Variants in HDAC5 observed in about 807,000 individuals in gnomAD.
HDAC5 encodes the protein histone deacetylase 5, also known as antigen NY-CO-9.
In HDAC5, 25 loss-of-function variants were observed where a neutral mutation model predicts 133.3. That is an observed-to-expected ratio of 0.19 (90% CI 0.14 to 0.26). The LOEUF is 0.26. HDAC5 is among the 10% of genes least tolerant of loss of function. The pLI, the probability that HDAC5 is intolerant of heterozygous loss-of-function variation, is 1.00. For missense variants in HDAC5, 1,041 were observed against 1,460.5 expected (o/e 0.71, Z 4.68); for synonymous variants, 589 against 610.8 (o/e 0.96, Z 0.53).
intron 17 of HDAC5, 26 bp downstream of exon 17, chr17:44,083,779 C>A (rs1231870398): frequency 6.3e-7 from 1 of 1,580,332 alleles, no homozygotes; most frequent in African/African-American, 1.3e-5. Context: ...CGCCCGCCCA[C>A]CCCCACTGCT....
At chr17:44,099,457 G>C (rs370749457) in intron 3 of HDAC5, among the ~76,000 whole-genome samples, 81 of 152,172 alleles carry the variant, frequency 5.3e-4, no homozygotes, top group African/African-American at 1.9e-3. Flanking sequence ...GAGTGGGTGG[G>C]GCTGTGTGTG....
intron 2 of HDAC5, among the ~76,000 whole-genome samples, chr17:44,114,448 G>GA (rs1491230867): frequency 6.6e-6 from 1 of 151,874 alleles, no homozygotes; most frequent in Non-Finnish European, 1.5e-5. Context: ...GGGGGGGGGG[G>GA]GCTGCTGCCC....
rs1393544896 is a variant in HDAC5, at chr17:44,123,596, T to C, written c.-282A>G. Reference sequence around the variant, plus strand: ...ACCTCCTCGACGGCTCCTCCATCTTTGCGGCGGCTCCTCCGGCTCCGCTCG... The same window carrying C: ...ACCTCCTCGACGGCTCCTCCATCTTCGCGGCGGCTCCTCCGGCTCCGCTCG... On this transcript the variant is annotated 5_prime_UTR_variant, in exon 1 of 27. Coordinates refer to ENST00000682912, the MANE Select transcript of HDAC5 (RefSeq NM_005474.5). 3 of 397,794 alleles carry C rather than the reference T, an allele frequency of 7.5e-6. No individual in the cohort carries two copies. Among genetic ancestry groups the C allele is most frequent in the Non-Finnish European group, 1.3e-5 (3 of 225,832 alleles). The allele number at this position is 397,794 out of a possible 1,614,324, so 24.6% of individuals were successfully genotyped here.
At chr17:44,087,344 G>T in intron 13 of HDAC5, 68 bp downstream of exon 13, 1 of 708,296 alleles carries the variant, frequency 1.4e-6, no homozygotes, top group Non-Finnish European at 2.6e-6. Context: ...GAAAGACAAG[G>T]GCAGAGGCAG....
At chr17:44,095,582 C>G (rs1484159406) in intron 3 of HDAC5, among the ~76,000 whole-genome samples, 1 of 151,966 alleles carries the variant, frequency 6.6e-6, no homozygotes. Flanking sequence ...AAGCCAGGGA[C>G]AGGAGGGGGC....
chr17:44,093,124 G>A lies in HDAC5; in HGVS notation c.609C>T (p.Leu203=), dbSNP rs554721915. The A allele has an allele frequency of 6.2e-7, 1 of 1,613,636 alleles. No individual in the cohort carries two copies. Among genetic ancestry groups the A allele is most frequent in the South Asian group, 1.1e-5 (1 of 91,020 alleles). The part of the protein sequence containing the change: ...SKSKEPTPGG[L]NHSLPQHPKC... Reference sequence around the variant, plus strand: ...TGGGGTGCTGTGGGAGGGAATGGTTGAGGCCGCCTGGTGTGGGCTCCTTTG... The same window carrying A: ...TGGGGTGCTGTGGGAGGGAATGGTTAAGGCCGCCTGGTGTGGGCTCCTTTG... Residue 203 remains leucine, a synonymous_variant, in exon 6 of 27, where the codon CTC becomes CTT. Coordinates refer to ENST00000682912, the MANE Select transcript of HDAC5 (RefSeq NM_005474.5).
intron 2 of HDAC5, among the ~76,000 whole-genome samples, chr17:44,112,776 T>C (rs1197735561): frequency 6.6e-6 from 1 of 152,122 alleles, no homozygotes; most frequent in Non-Finnish European, 1.5e-5. Flanking sequence ...ACTAGCAAGA[T>C]GTATATGTTG....
intron 1 of HDAC5, among the ~76,000 whole-genome samples, chr17:44,119,086 G>A (rs527389666): frequency 6.6e-6 from 1 of 152,336 alleles, no homozygotes; most frequent in East Asian, 1.9e-4. Context: ...ACTCAGATTG[G>A]GGGGCAGAGT....
In HDAC5 at chr17:44,110,631, T is replaced by G. The variant is rs558282532; in HGVS notation, c.94+98A>C. The G allele has an allele frequency of 1.1e-5, 10 of 946,898 alleles. No individual in the cohort carries two copies. In the African/African-American group the frequency reaches 1.3e-4, roughly 12 times the overall value. 58.7% of individuals were successfully genotyped at this position (946,898 alleles called of 1,614,324 possible). ...CAACAAAACTCTCAAGACAGATCTATGCAGGACCCTATCTGTGCAAGGCTC... is the reference window on the plus strand; with the variant it reads ...CAACAAAACTCTCAAGACAGATCTAGGCAGGACCCTATCTGTGCAAGGCTC... On this transcript the variant is annotated intron_variant, in intron 3 of 26. Transcript: ENST00000682912.
rs143133077 is a variant in HDAC5, at chr17:44,121,464, C to T, written c.-190+2040G>A. Reference sequence around the variant, plus strand: ...CCCCCTACTGCCACCAACAGGAGTGCGTCCTCTAGCAGGCTGGCTGAGCCT... The same window carrying T: ...CCCCCTACTGCCACCAACAGGAGTGTGTCCTCTAGCAGGCTGGCTGAGCCT... On this transcript the variant is annotated intron_variant, in intron 1 of 26. Transcript: ENST00000682912. Among the ~76,000 whole-genome samples the T allele has an allele frequency of 4.0e-3, 535 of 133,964 alleles. 8 individuals are homozygous for T. Among genetic ancestry groups the T allele is most frequent in the African/African-American group, 0.013 (486 of 36,282 alleles). 87.9% of individuals were successfully genotyped at this position (133,964 alleles called of 152,430 possible).
intron 23 of HDAC5, among the ~76,000 whole-genome samples, chr17:44,079,581 A>G (rs1206654716): frequency 3.6e-5 from 5 of 137,348 alleles, no homozygotes; most frequent in African/African-American, 1.3e-4. Flanking sequence ...CGGAGGTTGC[A>G]GTGAGCCGAG....
At chr17:44,080,304 C>T in intron 22 of HDAC5, 79 bp from the exon 23 acceptor site, 1 of 1,539,958 alleles carries the variant, frequency 6.5e-7, no homozygotes, top group South Asian at 1.1e-5. Flanking sequence ...CCAGAGACAA[C>T]CCCCTCTACC....
chr17:44,113,547 C>T (rs1461244867), intron 2 of HDAC5, among the ~76,000 whole-genome samples: 2 of 152,060 alleles, frequency 1.3e-5, no homozygotes, highest in Non-Finnish European at 2.9e-5. Context: ...TGCTTTAGCC[C>T]CCCTCCTTGC....
At chr17:44,096,222 T>A (rs1772357545) in intron 3 of HDAC5, among the ~76,000 whole-genome samples, 2 of 152,070 alleles carry the variant, frequency 1.3e-5, no homozygotes, top group African/African-American at 4.8e-5. Context: ...CCATTCCTGT[T>A]TCTCTTCTAC....
intron 3 of HDAC5, among the ~76,000 whole-genome samples, chr17:44,107,665 G>A (rs945613098): frequency 1.3e-5 from 2 of 149,292 alleles, no homozygotes; most frequent in Non-Finnish European, 3.0e-5. Flanking sequence ...GTCACTCAGT[G>A]CATTATAATA....
chr17:44,111,537 G>C lies in HDAC5; in HGVS notation c.23-737C>G, dbSNP rs1328258497. 8 of 497,468 alleles carry C rather than the reference G, an allele frequency of 1.6e-5. No individual in the cohort carries two copies. The East Asian group carries it at 4.6e-4, about 28-fold the overall frequency. 30.8% of individuals were successfully genotyped at this position (497,468 alleles called of 1,614,324 possible). ...CTCTTGGCAAGCAAGCCAGGGGATG[G>C]AGACCAAGAAGCCAGACTCAAGCCT... On this transcript the variant is annotated intron_variant, in intron 2 of 26. Transcript: ENST00000682912.
At chr17:44,101,700 C>T (rs1175315203) in intron 3 of HDAC5, among the ~76,000 whole-genome samples, 3 of 152,130 alleles carry the variant, frequency 2.0e-5, no homozygotes, top group African/African-American at 7.2e-5. Context: ...TGCAGATGAT[C>T]CTACCAGCTA....
chr17:44,087,717 C>A (rs1047508958), intron 12 of HDAC5, 21 bp from the exon 13 acceptor site: 14 of 1,547,532 alleles, frequency 9.0e-6, no homozygotes, highest in Non-Finnish European at 1.2e-5. Context: ...AATATGGGGG[C>A]ACATCAGCTG....
At chr17:44,084,128 A>C (rs1389286526) in intron 16 of HDAC5, among the ~76,000 whole-genome samples, 1 of 151,874 alleles carries the variant, frequency 6.6e-6, no homozygotes, top group Non-Finnish European at 1.5e-5. Context: ...GTCTCAAAAA[A>C]AAAAAAGGCA....
Sources: gnomAD v4.1 joint callset for allele counts (sites outside exome capture counted in the v4.1 genomes callset) on GRCh38, gnomAD v4.1.1 for gene constraint, MANE v1.5 for transcripts, NCBI Gene and HGNC (gene_info 2026-07-23, HGNC 2026-07-21) for gene names.